SPATA13: variants seen among roughly 807,000 people sequenced by gnomAD.
The protein encoded by SPATA13 is spermatogenesis associated 13.
In SPATA13, 50 loss-of-function variants were observed where a neutral mutation model predicts 104.0. That is an observed-to-expected ratio of 0.48 (90% confidence interval 0.38 to 0.61). SPATA13 has a LOEUF of 0.61. Among genes scored for constraint, SPATA13 ranks in the 20% least tolerant of loss-of-function variants. The pLI, the probability that SPATA13 is intolerant of heterozygous loss-of-function variation, is 0.00. For missense variants in SPATA13, 1,524 were observed against 1,690.6 expected (o/e 0.90, Z 1.73); for synonymous variants, 606 against 667.5 (o/e 0.91, Z 1.42).
chr13:24,080,268 G>A (rs773582218), intron 3 of SPATA13, among the ~76,000 whole-genome samples: 1 of 152,176 alleles, frequency 6.6e-6, no homozygotes, highest in Non-Finnish European at 1.5e-5. Flanking sequence ...ACCCCAGTAA[G>A]GTTTACTGCT....
intron 3 of SPATA13, among the ~76,000 whole-genome samples, chr13:24,145,943 C>T (rs986258091): frequency 1.1e-4 from 17 of 152,112 alleles, no homozygotes; most frequent in Admixed American, 6.6e-4. Context: ...CGAGCACTCC[C>T]GACCAAGTCA....
chr13:24,157,470 T>C (rs1190524739), upstream of SPATA13, among the ~76,000 whole-genome samples: 1 of 152,076 alleles, frequency 6.6e-6, no homozygotes, highest in Non-Finnish European at 1.5e-5. Context: ...GGCTAATTTT[T>C]TTTGTATTTT....
Position 24,082,876 on chromosome 13 carries a change from A to G in SPATA13, c.-112+65175A>G, listed in dbSNP as rs145070341. Among the ~76,000 whole-genome samples the G allele has an allele frequency of 5.0e-3, 730 of 146,312 alleles. 6 individuals carry two copies. Among genetic ancestry groups the G allele is most frequent in the South Asian group, 0.027 (123 of 4,632 alleles). ...AAAATAAGATCTTTGCATTATTCCC[A>G]CTTACATACAATAAGAAAAACTTCT... On this transcript the variant is annotated intron_variant, in intron 3 of 14. Transcript: ENST00000424834.
At position 24,147,862 on chromosome 13, in the gene SPATA13, T is replaced by C. The variant is rs967978537; in HGVS notation, c.-111-74957T>C. The stretch of plus-strand genomic sequence containing the variant: ...TGGAATCGTACGGGATTGGTCTTTT[T>C]GTGATTGGTTCATTTCATTTAGCGT... On this transcript the variant is annotated intron_variant, in intron 3 of 14. Coordinates refer to the SPATA13 transcript ENST00000424834. Among the ~76,000 whole-genome samples, 18 of 152,234 alleles carry C rather than the reference T, an allele frequency of 1.2e-4. 1 individual carries two copies. The highest frequency in any genetic ancestry group is 2.4e-4 in the Non-Finnish European group (16 of 68,044).
At chr13:24,104,257 T>G (rs974110524) in intron 3 of SPATA13, among the ~76,000 whole-genome samples, 6 of 151,966 alleles carry the variant, frequency 3.9e-5, no homozygotes, top group Non-Finnish European at 7.4e-5. Flanking sequence ...TTTTTGTTTT[T>G]TGGGTTTTTT....
At chr13:24,043,236 T>A (rs545876461) in intron 3 of SPATA13, among the ~76,000 whole-genome samples, 14 of 152,314 alleles carry the variant, frequency 9.2e-5, no homozygotes, top group African/African-American at 3.4e-4. Context: ...GCGTCTTGGC[T>A]ATGACAAACA....
At chr13:23,985,799 C>T (rs1593257539) in intron 2 of SPATA13, among the ~76,000 whole-genome samples, 1 of 152,122 alleles carries the variant, frequency 6.6e-6, no homozygotes, top group Non-Finnish European at 1.5e-5. Context: ...GTGTTGAGGG[C>T]AACAGCAGGG....
chr13:24,013,701 T>C (rs920578118), intron 2 of SPATA13, among the ~76,000 whole-genome samples: 1 of 149,782 alleles, frequency 6.7e-6, no homozygotes, highest in Middle Eastern at 3.4e-3. Flanking sequence ...TCTTTTTTTT[T>C]TCCACTTTTT....
intron 4 of SPATA13, among the ~76,000 whole-genome samples, chr13:24,271,933 G>C (rs1874638518): frequency 2.6e-5 from 4 of 152,176 alleles, no homozygotes; most frequent in African/African-American, 9.7e-5. Context: ...AACAAGACTG[G>C]TGTGTACTCC....
At chr13:24,222,539 C>A (rs911582524) in intron 1 of SPATA13, among the ~76,000 whole-genome samples, 1 of 152,094 alleles carries the variant, frequency 6.6e-6, no homozygotes, top group African/African-American at 2.4e-5. Flanking sequence ...TTCATTCCAG[C>A]GGTTTTTTTC....
Position 24,286,382 on chromosome 13 carries a change from A to G in SPATA13, c.2470A>G (p.Ser824Gly). The change falls in exon 6 of 13, where the codon AGC becomes GGC. Residue 824 changes from serine (S) to glycine (G), a missense_variant. Around this residue, in one of 2 missense-constraint regions of SPATA13, gnomAD observed 1,089 missense variants for 1,135.9 expected, o/e 0.96. Coordinates refer to ENST00000382108, the MANE Select transcript of SPATA13 (RefSeq NM_001166271.3). This position sits in a 1 kb window ranked among gnomAD's most constrained non-coding sequence, Gnocchi z 4.9. ...SEDKEAWFPA[S>G]FVRLRVNQEE... is the part of the protein sequence containing the mutation. Reference sequence around the variant, plus strand: ...AGATAAGGAAGCCTGGTTCCCCGCGAGCTTCGTCAGAGTAAGTGTGGGGTG... The same window carrying G: ...AGATAAGGAAGCCTGGTTCCCCGCGGGCTTCGTCAGAGTAAGTGTGGGGTG... 2 of 1,612,098 alleles carry G rather than the reference A, an allele frequency of 1.2e-6. No homozygotes were observed.
intron 3 of SPATA13, chr13:24,123,776 A>G: frequency 2.5e-6 from 3 of 1,222,968 alleles, no homozygotes. Flanking sequence ...GGGGCTTTGG[A>G]TTCTTCCAGG....
chr13:24,040,463 C>A (rs1877878287), intron 3 of SPATA13, among the ~76,000 whole-genome samples: 1 of 152,114 alleles, frequency 6.6e-6, no homozygotes, highest in South Asian at 2.1e-4. Context: ...CCGCCCTTGA[C>A]AGGAAACCAG....
In SPATA13 at chr13:24,223,290, G is replaced by A. The variant is rs778846526; in HGVS notation, c.361G>A (p.Val121Ile). Residue 121 changes from valine to isoleucine, a missense_variant, in exon 2 of 13, where the codon GTC (valine) becomes ATC (isoleucine). Physicochemically the swap from Val to Ile is conservative, Grantham distance 29. Around this residue, in one of 2 missense-constraint regions of SPATA13, gnomAD observed 1,089 missense variants for 1,135.9 expected, o/e 0.96. Transcript: ENST00000382108. ...MGSFKKLKSS[V>I]LKGIQSREGS... Reference sequence around the variant, plus strand: ...ATCCTTTAAGAAACTGAAGTCCTCAGTCCTGAAAGGAATTCAGAGCCGAGA... The same window carrying A: ...ATCCTTTAAGAAACTGAAGTCCTCAATCCTGAAAGGAATTCAGAGCCGAGA... 108 of 1,551,490 alleles carry A rather than the reference G, an allele frequency of 7.0e-5. No individual in the cohort carries two copies. Among genetic ancestry groups the A allele is most frequent in the Non-Finnish European group, 8.3e-5 (95 of 1,147,006 alleles).
chr13:24,000,429 A>G (rs2147997), intron 2 of SPATA13, among the ~76,000 whole-genome samples: 116,154 of 152,056 alleles, frequency 0.76, 44,509 homozygotes, highest in African/African-American at 0.82. Context: ...TCTAAGCCAG[A>G]CAGCTCTTGG....
intron 3 of SPATA13, among the ~76,000 whole-genome samples, chr13:24,057,129 G>A (rs533154766): frequency 5.4e-5 from 8 of 148,368 alleles, no homozygotes; most frequent in Non-Finnish European, 1.2e-4. Flanking sequence ...TGTGCACAAT[G>A]TGCAGGTTTG....
At position 24,208,926 on chromosome 13, in the gene SPATA13, G is replaced by A. The variant is rs1406817727; in HGVS notation, c.-111-13893G>A. Among the ~76,000 whole-genome samples, 3 of 152,172 alleles carry A rather than the reference G, an allele frequency of 2.0e-5. No individual in the cohort carries two copies. In the East Asian group the frequency reaches 5.8e-4, roughly 29 times the overall value. On this transcript the variant is annotated intron_variant, in intron 1 of 12. Transcript: ENST00000382108. ...ATATTGGTGTTTTCCTTTATAATCTGAATTTTACCAAAACTGGGTGGAAAA... is the reference window on the plus strand; with the variant it reads ...ATATTGGTGTTTTCCTTTATAATCTAAATTTTACCAAAACTGGGTGGAAAA...
chr13:24,258,748 G>A (rs1873914432), intron 4 of SPATA13, among the ~76,000 whole-genome samples: 1 of 152,188 alleles, frequency 6.6e-6, no homozygotes, highest in African/African-American at 2.4e-5. Flanking sequence ...AAATGTCTTA[G>A]TGATAAATCC....
chr13:24,239,139 G>A (rs1173997634), intron 2 of SPATA13, among the ~76,000 whole-genome samples: 1 of 152,208 alleles, frequency 6.6e-6, no homozygotes, highest in African/African-American at 2.4e-5. Flanking sequence ...TCATGTATCT[G>A]AGACTAAGTA....
Sources: allele counts gnomAD v4.1 joint callset (sites outside exome capture counted in the v4.1 genomes callset), GRCh38; gene constraint gnomAD v4.1.1; regional missense constraint gnomAD v4.1.1; non-coding constraint Gnocchi (gnomAD v3.1); transcripts MANE v1.5; gene names NCBI Gene and HGNC (gene_info 2026-07-23, HGNC 2026-07-21).